The following TMEM184B variants were observed in gnomAD, a reference collection of about 807,000 sequenced individuals.
TMEM184B encodes transmembrane protein 184B.
TMEM184B carries 17 observed loss-of-function variants against 41.8 expected under a neutral mutation model. The ratio of observed to expected loss-of-function variants is 0.41; its 90% CI spans 0.28 to 0.61. The LOEUF (loss-of-function observed/expected upper bound fraction) is 0.61, where lower values mean the gene tolerates loss of function less well. Ranked by LOEUF, TMEM184B falls within the 20% of genes least tolerant of loss-of-function variation. TMEM184B has a pLI of 0.34. For missense variants in TMEM184B, 393 were observed against 557.8 expected (o/e 0.70, Z 2.98); for synonymous variants, 240 against 229.5 (o/e 1.05, Z -0.41).
rs1474852017 is a variant in TMEM184B, at chr22:38,225,817, G to A, written c.618-224C>T. 6.6e-6 allele frequency among the ~76,000 whole-genome samples: 1 copy of A among 152,180 alleles called. No homozygotes were observed. The highest frequency in any genetic ancestry group is 2.4e-5 in the African/African-American group (1 of 41,432). ...CAGCTCTACTGCCTCTGCGTGGCTC[G>A]TGGACTTGTCTAAGCCCTGGTGCCC... On this transcript the variant is annotated intron_variant, in intron 6 of 8. Transcript: ENST00000361906. This position sits in a 1 kb window ranked among gnomAD's most constrained non-coding sequence, Gnocchi z 4.4.
At position 38,231,439 on chromosome 22, in the gene TMEM184B, G is replaced by A. The variant is rs554992421; in HGVS notation, c.359-105C>T. 5.3e-6 allele frequency: 5 copies of A among 946,784 alleles called. No individual in the cohort carries two copies. The East Asian group carries it at 7.2e-5, about 14-fold the overall frequency. 58.6% of individuals were successfully genotyped at this position (946,784 alleles called of 1,614,324 possible). On this transcript the variant is annotated intron_variant, in intron 3 of 8. Transcript: ENST00000361906. ...AGGTGAAAGAGCCACAGCTGTGTGT[G>A]GCAACAGGGAGGAGGCTGGGGGACA... is the stretch of plus-strand genomic sequence containing the variant.
intron 1 of TMEM184B, among the ~76,000 whole-genome samples, chr22:38,264,522 GCCATGCAAGA>G (rs2092417113): frequency 6.6e-6 from 1 of 152,198 alleles, no homozygotes; most frequent in Admixed American, 6.5e-5. Flanking sequence ...GGACACCACA[GCCATGCAAGA>G]CCACTCCCAC....
intron 1 of TMEM184B, among the ~76,000 whole-genome samples, chr22:38,248,511 C>G (rs796341727): frequency 2.6e-4 from 40 of 152,370 alleles, no homozygotes; most frequent in African/African-American, 9.1e-4. Context: ...CCCTCCCACC[C>G]TTCCTTTAGG....
chr22:38,255,702 G>C (rs1265952028), intron 1 of TMEM184B, among the ~76,000 whole-genome samples: 2 of 152,300 alleles, frequency 1.3e-5, no homozygotes, highest in East Asian at 3.9e-4. Context: ...CAAGAAAAAA[G>C]AACAAATTAC....
Position 38,226,985 on chromosome 22 carries a change from ACG to A in TMEM184B, c.526-117_526-116del, listed in dbSNP as rs1192791319. The A allele has an allele frequency of 5.9e-5, 59 of 1,006,450 alleles. No individual in the cohort carries two copies. The highest frequency in any genetic ancestry group is 1.3e-4 in the Admixed American group (6 of 47,350). The allele number at this position is 1,006,450 out of a possible 1,614,324, so 62.3% of individuals were successfully genotyped here. The stretch of plus-strand genomic sequence containing the variant: ...TGGAGGGACAGAGAGGATGAAGGAG[ACG>A]GAGAGGACGGAGGGATGGAGGGACG... On this transcript the variant is annotated intron_variant, in intron 5 of 8. Coordinates refer to ENST00000361906, the MANE Select transcript of TMEM184B (RefSeq NM_012264.5). The surrounding 1 kb of genome is among the most constrained non-coding windows in gnomAD (Gnocchi z 4.6).
intron 1 of TMEM184B, 87 bp from the exon 2 acceptor site, chr22:38,248,106 C>T (rs1039930388): frequency 1.6e-5 from 23 of 1,439,288 alleles, no homozygotes; most frequent in Middle Eastern, 2.5e-4. Flanking sequence ...CACCCACCTC[C>T]TGACCATGTC....
chr22:38,244,605 C>A (rs1411267197), intron 3 of TMEM184B, among the ~76,000 whole-genome samples: 1 of 152,140 alleles, frequency 6.6e-6, no homozygotes, highest in Non-Finnish European at 1.5e-5. Context: ...TACAGGCATG[C>A]ACCATTATGC....
chr22:38,230,603 C>A, intron 5 of TMEM184B, 66 bp downstream of exon 5: 1 of 1,539,842 alleles, frequency 6.5e-7, no homozygotes, highest in Non-Finnish European at 8.8e-7. Context: ...CCAGGGCAGC[C>A]CACGGCAGGG....
chr22:38,218,218 C>T (rs1249275254), downstream of TMEM184B, among the ~76,000 whole-genome samples: 1 of 152,208 alleles, frequency 6.6e-6, no homozygotes, highest in East Asian at 1.9e-4. Context: ...TCCTAGGCCT[C>T]AAACTCACTA....
Position 38,219,940 on chromosome 22 carries a change from C to T in TMEM184B, c.*1529G>A. On this transcript the variant is annotated 3_prime_UTR_variant, in exon 9 of 9. Transcript: ENST00000361906. ...GAAGGAGGCCAGGAAGACGGCTGGG[C>T]CCCAACTCTCCTCACAGGTGGCAGG... 8.1e-6 allele frequency: 8 copies of T among 985,412 alleles called. No homozygotes were observed. Among genetic ancestry groups the T allele is most frequent in the Non-Finnish European group, 9.6e-6 (8 of 829,936 alleles). The allele number at this position is 985,412 out of a possible 1,614,324, so 61.0% of individuals were successfully genotyped here.
chr22:38,253,217 G>A (rs2092208700), intron 1 of TMEM184B, among the ~76,000 whole-genome samples: 2 of 152,258 alleles, frequency 1.3e-5, no homozygotes, highest in South Asian at 4.1e-4. Context: ...GGCACTCGGG[G>A]AGGTGAGGCT....
At chr22:38,228,606 C>T (rs1341040368) in intron 5 of TMEM184B, among the ~76,000 whole-genome samples, 4 of 152,202 alleles carry the variant, frequency 2.6e-5, no homozygotes, top group African/African-American at 9.7e-5. Context: ...ATCTGGGAAT[C>T]TCTACTTTAA....
chr22:38,270,524 T>C (rs2092506962), intron 1 of TMEM184B, among the ~76,000 whole-genome samples: 1 of 152,206 alleles, frequency 6.6e-6, no homozygotes, highest in Non-Finnish European at 1.5e-5. Flanking sequence ...TTGCACATAT[T>C]TGTTACACAT....
intron 1 of TMEM184B, among the ~76,000 whole-genome samples, chr22:38,249,430 G>GT (rs1331170298): frequency 1.3e-5 from 2 of 152,202 alleles, no homozygotes; most frequent in Non-Finnish European, 2.9e-5. Context: ...GATTATAGGC[G>GT]TGAGTCACTG....
rs548986776 is a variant in TMEM184B at position 38,250,932 on chromosome 22, C to T, written c.-58-2913G>A. Among the ~76,000 whole-genome samples, 3 of 152,310 alleles carry T rather than the reference C, an allele frequency of 2.0e-5. No homozygotes were observed. In the East Asian group the frequency reaches 5.8e-4, roughly 29 times the overall value. ...GTCGTTTATTTCACAAGAGGAAATGCACCCAGAGATGTGAGTGACTTACCC... is the reference window on the plus strand; with the variant it reads ...GTCGTTTATTTCACAAGAGGAAATGTACCCAGAGATGTGAGTGACTTACCC... On this transcript the variant is annotated intron_variant, in intron 1 of 8. Transcript: ENST00000361906.
rs762654911 is a variant in TMEM184B, at chr22:38,224,891, G to A, written c.876C>T (p.Ala292=). 5.4e-5 allele frequency: 87 copies of A among 1,613,430 alleles called. No homozygotes were observed. Among genetic ancestry groups the A allele is most frequent in the Non-Finnish European group, 6.8e-5 (80 of 1,179,916 alleles). The change falls in exon 8 of 9, where the codon GCC becomes GCT. Residue 292 remains alanine (A), a synonymous_variant. Coordinates refer to ENST00000361906, the MANE Select transcript of TMEM184B (RefSeq NM_012264.5). ...RVSVGEGTVA[A]GYQDFIICVE... ...CACAGATGATGAAGTCCTGGTAGCCGGCAGCCACGGTGCCCTCGCCCACCG... is the reference window on the plus strand; with the variant it reads ...CACAGATGATGAAGTCCTGGTAGCCAGCAGCCACGGTGCCCTCGCCCACCG...
rs900429305 is a variant in TMEM184B at position 38,239,890 on chromosome 22, A to G, written c.358+6045T>C. On this transcript the variant is annotated intron_variant, in intron 3 of 8. Transcript: ENST00000361906. This position sits in a 1 kb window ranked among gnomAD's most constrained non-coding sequence, Gnocchi z 4.6. ...GGTACCTGCCCCCCATGCTGCATACAAACAGCCAAGGAAACACCCCATGTT... is the reference window on the plus strand; with the variant it reads ...GGTACCTGCCCCCCATGCTGCATACGAACAGCCAAGGAAACACCCCATGTT... 2.6e-5 allele frequency among the ~76,000 whole-genome samples: 4 copies of G among 152,072 alleles called. No individual in the cohort carries two copies. Among genetic ancestry groups the G allele is most frequent in the African/African-American group, 7.2e-5 (3 of 41,412 alleles).
intron 3 of TMEM184B, among the ~76,000 whole-genome samples, chr22:38,237,305 C>T (rs1232154741): frequency 6.6e-6 from 1 of 152,236 alleles, no homozygotes; most frequent in Non-Finnish European, 1.5e-5. Context: ...AGTACTTGCC[C>T]TCTCACGTTT....
At chr22:38,231,108 A>G in intron 4 of TMEM184B, 136 bp downstream of exon 4, 1 of 793,186 alleles carries the variant, frequency 1.3e-6, no homozygotes, top group South Asian at 1.4e-5. Flanking sequence ...GGCGTTGCTC[A>G]GGAAATGTGG....
Sources: allele counts gnomAD v4.1 joint callset (sites outside exome capture counted in the v4.1 genomes callset), GRCh38; gene constraint gnomAD v4.1.1; non-coding constraint Gnocchi (gnomAD v3.1); transcripts MANE v1.5; gene names NCBI Gene and HGNC (gene_info 2026-07-23, HGNC 2026-07-21).